Variants in SERGEF observed in about 807,000 individuals in gnomAD.
SERGEF encodes the protein secretion-regulating guanine nucleotide exchange factor.
In SERGEF, 51 loss-of-function variants were observed where a neutral mutation model predicts 50.0. The ratio of observed to expected loss-of-function variants is 1.02; its 90% CI spans 0.81 to 1.29. The LOEUF is 1.29. Ranked by LOEUF, SERGEF falls within the 50% of genes most tolerant of loss-of-function variation. SERGEF has a pLI of 0.00. For missense variants in SERGEF, 521 were observed against 557.0 expected (o/e 0.94, Z 0.65); for synonymous variants, 205 against 212.4 (o/e 0.97, Z 0.30).
At chr11:17,819,731 T>C (rs1417864697) in intron 10 of SERGEF, among the ~76,000 whole-genome samples, 1 of 152,192 alleles carries the variant, frequency 6.6e-6, no homozygotes, top group East Asian at 1.9e-4. Context: ...TCCACCCCAG[T>C]CAGAGACCTT....
intron 9 of SERGEF, among the ~76,000 whole-genome samples, chr11:17,933,647 C>T (rs1852395094): frequency 6.6e-6 from 1 of 151,854 alleles, no homozygotes; most frequent in South Asian, 2.1e-4. Flanking sequence ...ATCTATATTC[C>T]CTTAAGTTCA....
intron 9 of SERGEF, among the ~76,000 whole-genome samples, chr11:17,928,625 A>G (rs1852293545): frequency 6.6e-6 from 1 of 151,988 alleles, no homozygotes; most frequent in East Asian, 1.9e-4. Context: ...GAACCAACCA[A>G]TGAAAAAAAA....
intron 10 of SERGEF, among the ~76,000 whole-genome samples, chr11:17,827,497 A>G (rs1850217462): frequency 6.6e-6 from 1 of 152,208 alleles, no homozygotes; most frequent in Admixed American, 6.5e-5. Context: ...AAGGCTCTGA[A>G]ATCTGCAGTG....
At chr11:17,896,974 A>C (rs1354949376) in intron 9 of SERGEF, among the ~76,000 whole-genome samples, 1 of 152,062 alleles carries the variant, frequency 6.6e-6, no homozygotes, top group Non-Finnish European at 1.5e-5. Flanking sequence ...TTAATATTAG[A>C]AAGGCCATTC....
chr11:17,986,834 A>T (rs976354042), intron 8 of SERGEF, among the ~76,000 whole-genome samples: 19 of 152,206 alleles, frequency 1.2e-4, no homozygotes, highest in African/African-American at 4.6e-4. Context: ...TGCCCTTTGT[A>T]CTTAGCTGTA....
chr11:17,922,155 T>C (rs1852169473), intron 9 of SERGEF, among the ~76,000 whole-genome samples: 1 of 152,202 alleles, frequency 6.6e-6, no homozygotes, highest in South Asian at 2.1e-4. Context: ...CAGAGTGTCC[T>C]TGGAGAATAG....
chr11:17,958,200 A>T (rs1272847020), intron 9 of SERGEF, among the ~76,000 whole-genome samples: 1 of 152,204 alleles, frequency 6.6e-6, no homozygotes, highest in African/African-American at 2.4e-5. Flanking sequence ...CATACCCGGA[A>T]GGAGGAGGCC....
intron 9 of SERGEF, chr11:17,926,872 A>G: frequency 2.2e-6 from 1 of 456,078 alleles, no homozygotes; most frequent in South Asian, 1.5e-5. Flanking sequence ...CACACAACAA[A>G]TATTTATAGA....
Position 17,985,591 on chromosome 11 carries a change from C to A in SERGEF, c.844+3006G>T, listed in dbSNP as rs982781801. Reference sequence around the variant, plus strand: ...TGGGAAAGGTTTCTAGAATGCAGCACCATGAGCCTGAGACACAGGTACCCT... The same window carrying A: ...TGGGAAAGGTTTCTAGAATGCAGCAACATGAGCCTGAGACACAGGTACCCT... On this transcript the variant is annotated intron_variant, in intron 8 of 10. Coordinates refer to ENST00000265965, the MANE Select transcript of SERGEF (RefSeq NM_012139.4). Among the ~76,000 whole-genome samples the A allele has an allele frequency of 3.3e-5, 5 of 152,188 alleles. 1 individual carries two copies. The highest frequency in any genetic ancestry group is 4.8e-5 in the African/African-American group (2 of 41,438).
chr11:17,844,932 A>C (rs536619998), intron 10 of SERGEF, among the ~76,000 whole-genome samples: 1 of 152,002 alleles, frequency 6.6e-6, no homozygotes, highest in East Asian at 1.9e-4. Flanking sequence ...CAAACAAAAA[A>C]AACAGAACAA....
At chr11:18,002,140 A>G (rs1309115390) in intron 4 of SERGEF, 5 of 389,504 alleles carry the variant, frequency 1.3e-5, no homozygotes, top group Non-Finnish European at 2.5e-5. Context: ...ATTGTCCTTT[A>G]TATTTTTCTT....
At chr11:17,790,289 AT>A (rs1193336139) in intron 10 of SERGEF, among the ~76,000 whole-genome samples, 1 of 151,746 alleles carries the variant, frequency 6.6e-6, no homozygotes, top group Admixed American at 6.6e-5. Flanking sequence ...AAATATTGTG[AT>A]CTGTTTAGTT....
At chr11:18,012,240 C>T (rs1281229315) in intron 1 of SERGEF, among the ~76,000 whole-genome samples, 1 of 151,968 alleles carries the variant, frequency 6.6e-6, no homozygotes, top group African/African-American at 2.4e-5. Flanking sequence ...CACATCATTA[C>T]AATTGTGATA....
At chr11:17,936,941 T>C (rs1852463025) in intron 9 of SERGEF, among the ~76,000 whole-genome samples, 1 of 152,188 alleles carries the variant, frequency 6.6e-6, no homozygotes, top group Non-Finnish European at 1.5e-5. Context: ...AAATCCTTCC[T>C]GAGAAAATAA....
chr11:17,983,044 G>A (rs1853522869), intron 8 of SERGEF, among the ~76,000 whole-genome samples: 1 of 152,072 alleles, frequency 6.6e-6, no homozygotes, highest in African/African-American at 2.4e-5. Context: ...AAGACTCTTT[G>A]GCTCTTTAAG....
chr11:17,904,236 CAGTGAAGCAGA>C (rs1160166755), intron 9 of SERGEF, among the ~76,000 whole-genome samples: 2 of 152,214 alleles, frequency 1.3e-5, no homozygotes, highest in African/African-American at 2.4e-5. Flanking sequence ...CAGCCTGAAC[CAGTGAAGCAGA>C]AGTGAAGTCC....
chr11:18,008,038 C>T lies in SERGEF; in HGVS notation c.99G>A (p.Lys33=), dbSNP rs1854120232. The T allele has an allele frequency of 4.3e-6, 7 of 1,614,136 alleles. No individual in the cohort carries two copies. The African/African-American group carries it at 8.0e-5, about 18-fold the overall frequency. The change falls in exon 2 of 11, where the codon AAG becomes AAA. Residue 33 remains lysine (K), a synonymous_variant. Coordinates refer to ENST00000265965, the MANE Select transcript of SERGEF (RefSeq NM_012139.4). ...GTTGCTGGGGCAACAGCACATCTTC[C>T]TTATGGCCGAGGCCAAGTTGCCCAT... is the stretch of plus-strand genomic sequence containing the variant. ...NSYGQLGLGH[K]EDVLLPQQLN...
At chr11:17,801,928 C>T (rs1849676950) in intron 10 of SERGEF, among the ~76,000 whole-genome samples, 1 of 152,180 alleles carries the variant, frequency 6.6e-6, no homozygotes, top group Non-Finnish European at 1.5e-5. Context: ...ATACATACTA[C>T]ATGGGCTAAT....
At chr11:17,926,298 C>T (rs1325857126) in intron 9 of SERGEF, among the ~76,000 whole-genome samples, 4 of 152,068 alleles carry the variant, frequency 2.6e-5, no homozygotes, top group Admixed American at 6.6e-5. Context: ...CCTCTGCCAC[C>T]TCTGCTACCC....
Sources: gnomAD v4.1 joint callset for allele counts (sites outside exome capture counted in the v4.1 genomes callset) on GRCh38, gnomAD v4.1.1 for gene constraint, MANE v1.5 for transcripts, NCBI Gene and HGNC (gene_info 2026-07-23, HGNC 2026-07-21) for gene names.